HTR4: variants seen among roughly 807,000 people sequenced by gnomAD.
HTR4 encodes 5-hydroxytryptamine receptor 4.
In HTR4, 16 loss-of-function variants were observed where a neutral mutation model predicts 36.8. The observed-to-expected ratio is 0.43, with a 90% CI of 0.29 to 0.66. The LOEUF (loss-of-function observed/expected upper bound fraction) is 0.66, where lower values mean the gene tolerates loss of function less well. Ranked by LOEUF, HTR4 falls within the 30% of genes least tolerant of loss-of-function variation. The pLI, the probability that HTR4 is intolerant of heterozygous loss-of-function variation, is 0.13. For synonymous variants in HTR4, 189 were observed against 185.1 expected (o/e 1.02, Z -0.17); for missense variants, 438 against 490.9 (o/e 0.89, Z 1.02).
intron 2 of HTR4, among the ~76,000 whole-genome samples, chr5:148,589,809 C>A (rs576884300): frequency 6.6e-6 from 1 of 151,980 alleles, no homozygotes; most frequent in African/African-American, 2.4e-5. Flanking sequence ...TTAAATCAAT[C>A]TAATTAATAT....
At chr5:148,509,186 A>G in intron 6 of HTR4, 1 of 372,242 alleles carries the variant, frequency 2.7e-6, no homozygotes, top group Admixed American at 4.2e-5. Flanking sequence ...TTAAGTTTTT[A>G]AAAAATGAAA....
intron 1 of HTR4, among the ~76,000 whole-genome samples, chr5:148,647,529 G>A (rs1375464208): frequency 6.6e-6 from 1 of 152,154 alleles, no homozygotes; most frequent in Non-Finnish European, 1.5e-5. Context: ...CCCCTTACAG[G>A]GGAGACAAAG....
chr5:148,529,158 T>C (rs1201082218), intron 4 of HTR4, among the ~76,000 whole-genome samples: 2 of 151,918 alleles, frequency 1.3e-5, no homozygotes, highest in Non-Finnish European at 2.9e-5. Context: ...AAACCTCCTA[T>C]CATTTCACTC....
At chr5:148,518,864 C>T (rs1369368123) in intron 5 of HTR4, among the ~76,000 whole-genome samples, 2 of 152,144 alleles carry the variant, frequency 1.3e-5, no homozygotes, top group African/African-American at 4.8e-5. Context: ...GACTCTGCTC[C>T]AGCAATATTT....
chr5:148,569,356 G>T (rs116359147), intron 2 of HTR4, among the ~76,000 whole-genome samples: 1 of 152,128 alleles, frequency 6.6e-6, no homozygotes, highest in African/African-American at 2.4e-5. Context: ...GAGCCTGTTT[G>T]GGGGACGGGG....
intron 2 of HTR4, among the ~76,000 whole-genome samples, chr5:148,623,996 G>C (rs781686108): frequency 6.6e-6 from 1 of 152,124 alleles, no homozygotes; most frequent in African/African-American, 2.4e-5. Flanking sequence ...TGATATAGAC[G>C]TTCCTTCTTA....
At chr5:148,505,674 G>C (rs1757161595) in intron 6 of HTR4, among the ~76,000 whole-genome samples, 1 of 152,146 alleles carries the variant, frequency 6.6e-6, no homozygotes, top group African/African-American at 2.4e-5. Flanking sequence ...CTTCAGCAAA[G>C]TCTCAGGATA....
At chr5:148,532,978 G>A (rs1049431840) in intron 4 of HTR4, among the ~76,000 whole-genome samples, 3 of 152,172 alleles carry the variant, frequency 2.0e-5, no homozygotes, top group South Asian at 4.1e-4. Context: ...GGTTTTGAAT[G>A]TTAGGCTAGG....
At chr5:148,458,071 T>A (rs866779885) in intron 5 of HTR4, among the ~76,000 whole-genome samples, 11 of 133,738 alleles carry the variant, frequency 8.2e-5, no homozygotes, top group East Asian at 4.1e-4. Context: ...AAGATCTATT[T>A]AATAGATCTT....
intron 6 of HTR4, among the ~76,000 whole-genome samples, chr5:148,498,829 G>A (rs115438118): frequency 6.6e-6 from 1 of 152,230 alleles, no homozygotes; most frequent in African/African-American, 2.4e-5. Flanking sequence ...AAGTCAACAG[G>A]TGGTTAATAA....
chr5:148,494,732 G>A (rs1287790914), intron 6 of HTR4, among the ~76,000 whole-genome samples: 1 of 152,172 alleles, frequency 6.6e-6, no homozygotes, highest in Non-Finnish European at 1.5e-5. Flanking sequence ...TTACAATCAT[G>A]AGAATTTTCT....
chr5:148,460,054 A>T (rs1029569156), intron 5 of HTR4, among the ~76,000 whole-genome samples: 14 of 152,146 alleles, frequency 9.2e-5, no homozygotes, highest in Admixed American at 2.6e-4. Context: ...TTGAGAAAAG[A>T]ATCTGTGAGC....
At chr5:148,648,764 G>A (rs544583732) in intron 1 of HTR4, among the ~76,000 whole-genome samples, 63 of 152,260 alleles carry the variant, frequency 4.1e-4, no homozygotes, top group African/African-American at 1.5e-3. Flanking sequence ...AAACAATTGA[G>A]CCAATCAGAT....
chr5:148,510,358 G>A (rs1206617100), intron 5 of HTR4, among the ~76,000 whole-genome samples: 6 of 152,184 alleles, frequency 3.9e-5, no homozygotes, highest in Non-Finnish European at 7.4e-5. Context: ...GAAGGCTCCA[G>A]GACAGAAGAG....
intron 2 of HTR4, among the ~76,000 whole-genome samples, chr5:148,586,251 G>T (rs891785350): frequency 2.0e-5 from 3 of 152,116 alleles, no homozygotes; most frequent in African/African-American, 7.2e-5. Context: ...ATTGGGTGAT[G>T]CTGTTAGCTC....
At chr5:148,594,389 T>A (rs965717963) in intron 2 of HTR4, among the ~76,000 whole-genome samples, 1 of 151,886 alleles carries the variant, frequency 6.6e-6, no homozygotes, top group African/African-American at 2.4e-5. Context: ...TAAAGTTACC[T>A]AATTGACATT....
At chr5:148,601,013 C>T (rs879502290) in intron 2 of HTR4, among the ~76,000 whole-genome samples, 2 of 43,958 alleles carry the variant, frequency 4.5e-5, no homozygotes, top group South Asian at 1.3e-3. Flanking sequence ...ACAAATAATG[C>T]AATTAAACAT....
chr5:148,641,404 T>C (rs1462676128), intron 1 of HTR4, among the ~76,000 whole-genome samples: 4 of 151,990 alleles, frequency 2.6e-5, no homozygotes, highest in Non-Finnish European at 5.9e-5. Context: ...TCCATACTAA[T>C]CCCCTTCGGA....
downstream of HTR4, among the ~76,000 whole-genome samples, chr5:148,480,861 G>A (rs545232452): frequency 2.6e-5 from 4 of 152,202 alleles, no homozygotes; most frequent in African/African-American, 9.6e-5. Flanking sequence ...AATCCAAAAC[G>A]CCCAAAGTAA....
Sources: gnomAD v4.1 joint callset for allele counts (sites outside exome capture counted in the v4.1 genomes callset) on GRCh38, gnomAD v4.1.1 for gene constraint, MANE v1.5 for transcripts, NCBI Gene and HGNC (gene_info 2026-07-23, HGNC 2026-07-21) for gene names.